The following KDM2B variants were observed in gnomAD, a reference collection of about 807,000 sequenced individuals.
KDM2B encodes lysine demethylase 2B, also known as lysine-specific demethylase 2B.
A neutral mutation model predicts 150.0 loss-of-function variants in KDM2B; 26 were observed. The observed-to-expected ratio is 0.17, with a 90% CI of 0.13 to 0.24. The LOEUF is 0.24. Ranked by LOEUF, KDM2B falls within the 10% of genes least tolerant of loss-of-function variation. The probability of loss-of-function intolerance (pLI) is 1.00; values close to 1 mark genes in which losing one functional copy is unlikely to be tolerated. For synonymous variants in KDM2B, 734 were observed against 729.5 expected (o/e 1.01, Z -0.10); for missense variants, 1,265 against 1,816.9 (o/e 0.70, Z 5.52).
At chr12:121,436,462 AG>A (rs1299576580) in intron 22 of KDM2B, among the ~76,000 whole-genome samples, 1 of 151,472 alleles carries the variant, frequency 6.6e-6, no homozygotes, top group Non-Finnish European at 1.5e-5. Context: ...CGGAGCTTGT[AG>A]TGAGCCGAGA....
At chr12:121,454,988 C>G (rs1258817263) in intron 12 of KDM2B, among the ~76,000 whole-genome samples, 1 of 152,178 alleles carries the variant, frequency 6.6e-6, no homozygotes, top group Non-Finnish European at 1.5e-5. Flanking sequence ...TCCTCAAATA[C>G]AGCCTCGCCA....
In KDM2B at chr12:121,442,145, G is replaced by C. The variant is rs1268305828; in HGVS notation, c.3284+12C>G. The C allele has an allele frequency of 6.2e-7, 1 of 1,612,212 alleles. No homozygotes were observed. Among genetic ancestry groups the C allele is most frequent in the Non-Finnish European group, 8.5e-7 (1 of 1,178,978 alleles). On this transcript the variant is annotated intron_variant, in intron 19 of 22. Coordinates refer to ENST00000377071, the MANE Select transcript of KDM2B (RefSeq NM_032590.5). The surrounding 1 kb of genome is among the most constrained non-coding windows in gnomAD (Gnocchi z 7.7). ...AGCCTTAACCTAGAGCCCTACACAG[G>C]CCGCCGCTCACCAGCGGTTCCAGGT...
chr12:121,551,615 C>G (rs1391417980), intron 4 of KDM2B, among the ~76,000 whole-genome samples: 1 of 152,178 alleles, frequency 6.6e-6, no homozygotes, highest in African/African-American at 2.4e-5. Flanking sequence ...TATAGTGGCA[C>G]AATCTCAGCT....
chr12:121,565,686 G>A (rs1339958186), intron 4 of KDM2B, among the ~76,000 whole-genome samples: 9 of 151,622 alleles, frequency 5.9e-5, no homozygotes, highest in African/African-American at 1.7e-4. Flanking sequence ...GTGCAGTGGC[G>A]CAATCTTGGC....
intron 22 of KDM2B, among the ~76,000 whole-genome samples, chr12:121,435,137 C>G (rs1353783035): frequency 6.6e-6 from 1 of 151,584 alleles, no homozygotes; most frequent in South Asian, 2.1e-4. Context: ...GGTTTGAGAC[C>G]AGTCTGGGCA....
intron 11 of KDM2B, among the ~76,000 whole-genome samples, chr12:121,508,939 G>A (rs373580213): frequency 1.3e-5 from 2 of 152,288 alleles, no homozygotes; most frequent in African/African-American, 2.4e-5. Flanking sequence ...TTCGTCTCTC[G>A]AGGCCAGTGA....
rs78494968 is a variant in KDM2B, at chr12:121,509,927, G to C, written c.1287C>G (p.Gly429=). The change falls in exon 11 of 23, where the codon GGC becomes GGG. Residue 429 remains glycine, a synonymous_variant. Transcript: ENST00000377071. ...GTTTGGGTGCCCTGTCCCTGCCCTC[G>C]CCCTCCTCGTCCTTCTCCTCCTCCT... ...PQEEEEKDEE[G]EGRDRAPKPP... 1.9e-6 allele frequency: 3 copies of C among 1,612,810 alleles called. No individual in the cohort carries two copies. The highest frequency in any genetic ancestry group is 1.7e-6 in the Non-Finnish European group (2 of 1,179,758).
intron 8 of KDM2B, chr12:121,524,722 T>G (rs1886987996): frequency 2.2e-6 from 1 of 453,702 alleles, no homozygotes; most frequent in Non-Finnish European, 4.4e-6. Flanking sequence ...TGAGAGCCGG[T>G]GCTCCCAGGC....
intron 1 of KDM2B, chr12:121,579,615 C>G: frequency 7.6e-7 from 1 of 1,315,178 alleles, no homozygotes; most frequent in Non-Finnish European, 9.9e-7. Flanking sequence ...AACGCACCAG[C>G]AGCTGCCTCA....
At chr12:121,543,189 C>G (rs544634282) in intron 6 of KDM2B, among the ~76,000 whole-genome samples, 1 of 152,078 alleles carries the variant, frequency 6.6e-6, no homozygotes, top group Non-Finnish European at 1.5e-5. Context: ...ACCCCTGTCT[C>G]TACTAAAAAT....
intron 12 of KDM2B, among the ~76,000 whole-genome samples, chr12:121,472,637 C>T (rs1435163841): frequency 6.6e-6 from 1 of 152,226 alleles, no homozygotes; most frequent in Non-Finnish European, 1.5e-5. Flanking sequence ...AGATGTGTGA[C>T]TGTGCACAGG....
intron 6 of KDM2B, among the ~76,000 whole-genome samples, chr12:121,540,522 G>A (rs1305649931): frequency 6.6e-6 from 1 of 151,954 alleles, no homozygotes; most frequent in Non-Finnish European, 1.5e-5. Flanking sequence ...GCTGAGGCAG[G>A]CGGATCACCT....
In KDM2B at chr12:121,569,443, G is replaced by A. The variant is rs75400798; in HGVS notation, c.397+5104C>T. 6.7e-4 allele frequency among the ~76,000 whole-genome samples: 102 copies of A among 152,288 alleles called. No individual in the cohort carries two copies. In the East Asian group the frequency reaches 0.018, roughly 26 times the overall value. On this transcript the variant is annotated intron_variant, in intron 4 of 22. Transcript: ENST00000377071. ...AAGAATGAAGCAGAAAGAGGGAGTC[G>A]AAGTGGGAAGCAGAAAGGAGAAACA...
In KDM2B at chr12:121,575,487, G is replaced by A. The variant is rs1311006659; in HGVS notation, c.350+294C>T. ...TCTGGAGCAAGGGGAAGGAGGAGAG[G>A]TACAATTCTCTGTAGGAGGTCACTG... is the stretch of plus-strand genomic sequence containing the variant. On this transcript the variant is annotated intron_variant, in intron 3 of 22. Transcript: ENST00000377071. This position sits in a 1 kb window ranked among gnomAD's most constrained non-coding sequence, Gnocchi z 4.4. Among the ~76,000 whole-genome samples the A allele has an allele frequency of 1.3e-5, 2 of 152,212 alleles. No homozygotes were observed. The highest frequency in any genetic ancestry group is 4.8e-5 in the African/African-American group (2 of 41,440).
At chr12:121,496,068 C>A (rs1883903869) in intron 11 of KDM2B, among the ~76,000 whole-genome samples, 1 of 152,108 alleles carries the variant, frequency 6.6e-6, no homozygotes. Flanking sequence ...AATTATCTAA[C>A]AGCTAACTTA....
chr12:121,514,268 A>T lies in KDM2B; in HGVS notation c.1048-866T>A, dbSNP rs929493493. Among the ~76,000 whole-genome samples the T allele has an allele frequency of 2.6e-5, 4 of 151,984 alleles. No individual in the cohort carries two copies. The East Asian group carries it at 7.7e-4, about 29-fold the overall frequency. On this transcript the variant is annotated intron_variant, in intron 9 of 22. Transcript: ENST00000377071. ...AGCTGGGACTACTGGCGCGCGCACC[A>T]CCACGCCTGGCTGGGTTTTTTTGTA...
At chr12:121,579,896 C>T in intron 1 of KDM2B, 1 of 1,483,240 alleles carries the variant, frequency 6.7e-7, no homozygotes, top group East Asian at 2.3e-5. Context: ...TTTTCCCGGT[C>T]CTCTTGCAAA....
chr12:121,538,039 C>G (rs1555309044), intron 6 of KDM2B, among the ~76,000 whole-genome samples: 1 of 151,164 alleles, frequency 6.6e-6, no homozygotes, highest in Admixed American at 6.6e-5. Flanking sequence ...CCCTCCACGG[C>G]GCTGCCAGGC....
chr12:121,567,554 T>C (rs1433381046), intron 4 of KDM2B, among the ~76,000 whole-genome samples: 1 of 151,830 alleles, frequency 6.6e-6, no homozygotes, highest in Admixed American at 6.6e-5. Flanking sequence ...CAAAAAAGAA[T>C]AGTTTAGGAC....
Sources: gnomAD v4.1 joint callset for allele counts (sites outside exome capture counted in the v4.1 genomes callset) on GRCh38, gnomAD v4.1.1 for gene constraint, Gnocchi (gnomAD v3.1) non-coding constraint, MANE v1.5 for transcripts, NCBI Gene and HGNC (gene_info 2026-07-23, HGNC 2026-07-21) for gene names.